Variants in TCEA1 observed in about 807,000 individuals in gnomAD.
TCEA1 encodes transcription elongation factor A1, also known as transcription elongation factor A protein 1.
TCEA1 carries 21 observed loss-of-function variants against 43.8 expected under a neutral mutation model. The observed-to-expected ratio is 0.48, with a 90% CI of 0.34 to 0.69. The LOEUF (loss-of-function observed/expected upper bound fraction) is 0.69, where lower values mean the gene tolerates loss of function less well. Among genes scored for constraint, TCEA1 ranks in the 30% least tolerant of loss-of-function variants. The probability of loss-of-function intolerance (pLI) is 0.01; values close to 1 mark genes in which losing one functional copy is unlikely to be tolerated. For synonymous variants in TCEA1, 104 were observed against 117.5 expected, an observed-to-expected ratio of 0.88 and a Z score of 0.75; for missense variants, 250 against 365.1, an observed-to-expected ratio of 0.68 and a Z score of 2.57.
At chr8:54,021,349 C>G (rs1805023295) in intron 1 of TCEA1, among the ~76,000 whole-genome samples, 1 of 152,086 alleles carries the variant, frequency 6.6e-6, no homozygotes, top group Admixed American at 6.6e-5. Context: ...AAAATGCCAC[C>G]AGTATTAACT....
chr8:53,981,424 G>A (rs1346841744), intron 7 of TCEA1, among the ~76,000 whole-genome samples: 1 of 152,168 alleles, frequency 6.6e-6, no homozygotes, highest in African/African-American at 2.4e-5. Flanking sequence ...TGAAGCCAAT[G>A]CTCATTTACC....
intron 2 of TCEA1, 52 bp from the exon 3 acceptor site, chr8:54,000,102 T>A: frequency 9.3e-7 from 1 of 1,080,098 alleles, no homozygotes; most frequent in Non-Finnish European, 1.3e-6. Flanking sequence ...TTTAAACAAA[T>A]TAGTATTTCA....
intron 1 of TCEA1, among the ~76,000 whole-genome samples, chr8:54,020,763 T>C (rs750270616): frequency 8.5e-5 from 13 of 152,224 alleles, no homozygotes; most frequent in Non-Finnish European, 1.8e-4. Flanking sequence ...AATCAGAGCA[T>C]CCCTTTTCTC....
Position 53,984,658 on chromosome 8 carries a change from T to C in TCEA1, c.524-141A>G, listed in dbSNP as rs566150426. 1.4e-3 allele frequency: 816 copies of C among 589,302 alleles called. 6 individuals carry two copies. In the African/African-American group the frequency reaches 0.014, roughly 10 times the overall value. The allele number at this position is 589,302 out of a possible 1,614,324, so 36.5% of individuals were successfully genotyped here. A position where few individuals can be genotyped will look rare whatever the true frequency, so the allele number is the denominator to read the frequency against. On this transcript the variant is annotated intron_variant, in intron 6 of 9. Transcript: ENST00000521604. ...CAGCACTTTGGGAGGCTGAGGCTGG[T>C]GGATCACGAGGTCAGGAGATCGAGA...
chr8:54,012,178 G>A (rs1380137450), intron 1 of TCEA1, among the ~76,000 whole-genome samples: 89 of 152,146 alleles, frequency 5.8e-4, no homozygotes, highest in Non-Finnish European at 1.3e-4. Context: ...ATTTCTCATA[G>A]GTAAACTCAT....
At chr8:53,993,998 G>A (rs1324013634) in intron 3 of TCEA1, among the ~76,000 whole-genome samples, 9 of 152,180 alleles carry the variant, frequency 5.9e-5, no homozygotes, top group Non-Finnish European at 1.3e-4. Context: ...CCTAAAGGGA[G>A]GAAAGTATAT....
intron 1 of TCEA1, among the ~76,000 whole-genome samples, chr8:54,019,484 C>T (rs1296161121): frequency 6.6e-6 from 1 of 151,078 alleles, no homozygotes; most frequent in African/African-American, 2.4e-5. Flanking sequence ...GCAAGAGAAT[C>T]GCTTGAACTG....
intron 1 of TCEA1, 104 bp from the exon 2 acceptor site, chr8:54,010,596 T>G: frequency 2.4e-6 from 2 of 835,344 alleles, no homozygotes; most frequent in East Asian, 2.8e-5. Flanking sequence ...TAAAGAGGAA[T>G]AAAATCAGAT....
At chr8:54,015,918 A>C (rs971437207) in intron 1 of TCEA1, among the ~76,000 whole-genome samples, 12 of 152,226 alleles carry the variant, frequency 7.9e-5, no homozygotes, top group Admixed American at 4.6e-4. Context: ...GCCACAAAGC[A>C]ATGAAAAGAT....
chr8:54,020,875 G>A (rs1177876287), intron 1 of TCEA1, among the ~76,000 whole-genome samples: 1 of 152,146 alleles, frequency 6.6e-6, no homozygotes, highest in Non-Finnish European at 1.5e-5. Context: ...ACAAATTTAG[G>A]TGAGGACAAT....
chr8:54,009,526 G>A (rs1382862512), intron 2 of TCEA1, among the ~76,000 whole-genome samples: 1 of 152,122 alleles, frequency 6.6e-6, no homozygotes, highest in Non-Finnish European at 1.5e-5. Context: ...GCAGAAACAC[G>A]GATGGAACTG....
At chr8:54,013,680 C>CAAAAAAAAAAAAAAAAAAAAACAAAAA (rs1804727875) in intron 1 of TCEA1, among the ~76,000 whole-genome samples, 1 of 65,298 alleles carries the variant, frequency 1.5e-5, no homozygotes. Context: ...AACTCCATCT[C>CAAAAAAAAAAAAAAAAAAAAACAAAAA]AAAAAAAAAA....
intron 8 of TCEA1, 52 bp downstream of exon 8, chr8:53,978,973 G>T: frequency 6.5e-7 from 1 of 1,534,872 alleles, no homozygotes; most frequent in Admixed American, 2.0e-5. Context: ...TTTTAAAACA[G>T]GAGTTGCAAG....
At chr8:54,014,644 A>G in intron 1 of TCEA1, among the ~76,000 whole-genome samples, 1 of 152,190 alleles carries the variant, frequency 6.6e-6, no homozygotes, top group South Asian at 2.1e-4. Flanking sequence ...AATAGAAAAC[A>G]AGTGATTTTA....
chr8:54,004,621 G>A (rs755999467), intron 2 of TCEA1, among the ~76,000 whole-genome samples: 1 of 152,176 alleles, frequency 6.6e-6, no homozygotes, highest in Non-Finnish European at 1.5e-5. Context: ...GCTGGAAGGA[G>A]GAAGACCAGT....
intron 7 of TCEA1, among the ~76,000 whole-genome samples, chr8:53,981,693 T>C (rs568662838): frequency 6.6e-6 from 1 of 152,300 alleles, no homozygotes; most frequent in East Asian, 1.9e-4. Context: ...ATTAATGTTA[T>C]TTTCATGCCT....
chr8:53,987,804 T>C (rs574551934), intron 5 of TCEA1, among the ~76,000 whole-genome samples: 1 of 152,332 alleles, frequency 6.6e-6, no homozygotes, highest in South Asian at 2.1e-4. Flanking sequence ...GTATGTAGTT[T>C]GCAGATTAAA....
At chr8:54,021,342 A>T (rs1454824211) in intron 1 of TCEA1, among the ~76,000 whole-genome samples, 1 of 152,234 alleles carries the variant, frequency 6.6e-6, no homozygotes, top group African/African-American at 2.4e-5. Flanking sequence ...AACAAAAAAA[A>T]TGCCACCAGT....
chr8:54,014,222 C>T (rs986442656), intron 1 of TCEA1, among the ~76,000 whole-genome samples: 3 of 152,272 alleles, frequency 2.0e-5, no homozygotes, highest in Non-Finnish European at 2.9e-5. Flanking sequence ...CCCAGCAGTG[C>T]GCCAGTGGCA....
Sources: gnomAD v4.1 joint callset for allele counts (sites outside exome capture counted in the v4.1 genomes callset) on GRCh38, gnomAD v4.1.1 for gene constraint, MANE v1.5 for transcripts, NCBI Gene and HGNC (gene_info 2026-07-23, HGNC 2026-07-21) for gene names.